TULP4: variants seen among roughly 807,000 people sequenced by gnomAD.
TULP4 encodes the protein TUB like protein 4, also known as tubby-related protein 4.
A neutral mutation model predicts 129.0 loss-of-function variants in TULP4; 16 were observed. The ratio of observed to expected loss-of-function variants is 0.12; its 90% confidence interval spans 0.08 to 0.19. The LOEUF (loss-of-function observed/expected upper bound fraction) is 0.19. TULP4 is among the 10% of genes least tolerant of loss of function. The pLI is 1.00. For synonymous variants in TULP4, 998 were observed against 854.0 expected (o/e 1.17, Z -2.94); for missense variants, 1,842 against 2,059.1 (o/e 0.89, Z 2.04).
At chr6:158,270,325 G>A (rs1375432076) in intron 1 of TULP4, among the ~76,000 whole-genome samples, 1 of 152,156 alleles carries the variant, frequency 6.6e-6, no homozygotes, top group African/African-American at 2.4e-5. Context: ...TATCCTGCCA[G>A]GGACCGGTCA....
intron 2 of TULP4, among the ~76,000 whole-genome samples, chr6:158,422,066 ATAT>A (rs1277755673): frequency 5.3e-5 from 8 of 152,228 alleles, no homozygotes; most frequent in Non-Finnish European, 7.3e-5. Context: ...TTATCTTAAA[ATAT>A]TATTAATTGA....
At chr6:158,316,137 T>G (rs946646376) in intron 1 of TULP4, among the ~76,000 whole-genome samples, 1 of 152,228 alleles carries the variant, frequency 6.6e-6, no homozygotes, top group Admixed American at 6.5e-5. Flanking sequence ...TTGTTCTTTT[T>G]AACTGATGTG....
chr6:158,331,744 C>CACATAT (rs1779892016), intron 1 of TULP4, among the ~76,000 whole-genome samples: 1 of 21,802 alleles, frequency 4.6e-5, no homozygotes, highest in Non-Finnish European at 1.2e-4. Context: ...TATATATATA[C>CACATAT]GTGTATATAC....
At position 158,313,333 on chromosome 6, in the gene TULP4, G is replaced by T; in HGVS notation, c.-684G>T. 1 of 396,052 alleles carries T rather than the reference G, an allele frequency of 2.5e-6. No individual in the cohort carries two copies. The highest frequency in any genetic ancestry group is 4.4e-6 in the Non-Finnish European group (1 of 224,964). 24.5% of individuals were successfully genotyped at this position (396,052 alleles called of 1,614,324 possible). On this transcript the variant is annotated 5_prime_UTR_variant, in exon 1 of 14. Coordinates refer to ENST00000367097, the MANE Select transcript of TULP4 (RefSeq NM_020245.5). ...TTCTGAAACAACAAGGAGAGAGTCT[G>T]TTTTTCTTCCTAAAATTTGGACTCT...
intron 1 of TULP4, among the ~76,000 whole-genome samples, chr6:158,363,987 A>C (rs1260127783): frequency 1.3e-5 from 2 of 152,148 alleles, no homozygotes; most frequent in Non-Finnish European, 2.9e-5. Flanking sequence ...TTTACCTTTC[A>C]AAATAAATTA....
rs76096537 is a variant in TULP4, at chr6:158,448,925, C to T, written c.544-71C>T. On this transcript the variant is annotated intron_variant, in intron 3 of 13. Coordinates refer to ENST00000367097, the MANE Select transcript of TULP4 (RefSeq NM_020245.5). ...TGTATATTGTCTTCCTAAAACAAATCGAGGCAACAAGGTGTGCCAGAAACT... is the reference window on the plus strand; with the variant it reads ...TGTATATTGTCTTCCTAAAACAAATTGAGGCAACAAGGTGTGCCAGAAACT... The T allele has an allele frequency of 2.1e-3, 3,044 of 1,475,426 alleles. 53 individuals are homozygous for T. The African/African-American group carries it at 0.036, about 18-fold the overall frequency. The allele number at this position is 1,475,426 out of a possible 1,614,324, so 91.4% of individuals were successfully genotyped here.
chr6:158,466,533 A>G (rs1381603009), intron 6 of TULP4, among the ~76,000 whole-genome samples: 4 of 152,174 alleles, frequency 2.6e-5, no homozygotes, highest in South Asian at 2.1e-4. Context: ...CCATTTTTCA[A>G]TCAGGTTATT....
chr6:158,301,196 C>T (rs545985757), intron 1 of TULP4, among the ~76,000 whole-genome samples: 3 of 152,218 alleles, frequency 2.0e-5, no homozygotes, highest in East Asian at 3.9e-4. Flanking sequence ...TGGGGAAATC[C>T]TGTAAGGCAA....
intron 1 of TULP4, among the ~76,000 whole-genome samples, chr6:158,343,252 T>C (rs928001663): frequency 6.6e-6 from 1 of 152,184 alleles, no homozygotes; most frequent in Non-Finnish European, 1.5e-5. Context: ...GGAACTCAGA[T>C]TCTGGTTGAA....
At chr6:158,407,776 G>A (rs921506947) in intron 1 of TULP4, among the ~76,000 whole-genome samples, 24 of 152,212 alleles carry the variant, frequency 1.6e-4, no homozygotes, top group Non-Finnish European at 3.2e-4. Flanking sequence ...AATGTCCAGA[G>A]TAGGCAAATC....
chr6:158,478,409 C>T (rs536381590), intron 6 of TULP4, among the ~76,000 whole-genome samples: 1 of 152,154 alleles, frequency 6.6e-6, no homozygotes, highest in Non-Finnish European at 1.5e-5. Context: ...TGGGGGTTGA[C>T]GATACCAGAG....
At chr6:158,416,400 C>G (rs1778208910) in intron 2 of TULP4, among the ~76,000 whole-genome samples, 1 of 151,952 alleles carries the variant, frequency 6.6e-6, no homozygotes, top group Non-Finnish European at 1.5e-5. Context: ...ATGATCCTGA[C>G]CGGGTGTAGG....
At chr6:158,451,172 G>A (rs536675021) in intron 4 of TULP4, among the ~76,000 whole-genome samples, 12 of 152,330 alleles carry the variant, frequency 7.9e-5, no homozygotes, top group African/African-American at 2.9e-4. Context: ...ACAGAATTCA[G>A]TCCCTGGTTG....
intron 1 of TULP4, among the ~76,000 whole-genome samples, chr6:158,362,968 A>G (rs1360207281): frequency 6.7e-6 from 1 of 149,214 alleles, no homozygotes; most frequent in East Asian, 2.0e-4. Context: ...AGGCTAAGGC[A>G]GGAGAAGCGC....
chr6:158,479,853 C>T lies in TULP4; in HGVS notation c.1129C>T (p.Leu377=). ...GCGTGTGGAGCACCGGGTGTCCAGC[C>T]TGCAGCTGCTGTGCCAGCAGGCCAT... ...VVRVEHRVSS[L]QLLCQQAIAS... Residue 377 remains leucine, a synonymous_variant, in exon 7 of 14, where the codon CTG becomes TTG. Transcript: ENST00000367097. The T allele has an allele frequency of 6.2e-7, 1 of 1,613,988 alleles. No individual in the cohort carries two copies.
chr6:158,455,764 A>G (rs1779280175), intron 5 of TULP4, among the ~76,000 whole-genome samples: 1 of 151,826 alleles, frequency 6.6e-6, no homozygotes, highest in Non-Finnish European at 1.5e-5. Flanking sequence ...TATTTGCAGG[A>G]TGCTTTTGTT....
chr6:158,463,510 C>T (rs551083669), intron 6 of TULP4, among the ~76,000 whole-genome samples: 18 of 151,318 alleles, frequency 1.2e-4, no homozygotes, highest in Admixed American at 1.1e-3. Flanking sequence ...GTGGGGGTAG[C>T]GGGGAGGGAT....
chr6:158,503,993 G>A lies in TULP4; in HGVS notation c.4330G>A (p.Glu1444Lys), dbSNP rs1443238993. ...RSPRAAGELE[E>K]AKCRRASEKE... is the part of the protein sequence containing the mutation. Reference sequence around the variant, plus strand: ...CCCACGGGCCGCCGGCGAGCTGGAGGAGGCCAAGTGCCGGCGGGCCAGTGA... The same window carrying A: ...CCCACGGGCCGCCGGCGAGCTGGAGAAGGCCAAGTGCCGGCGGGCCAGTGA... Residue 1444 changes from glutamate to lysine, a missense_variant, in exon 13 of 14, where the codon GAG becomes AAG. Coordinates refer to ENST00000367097, the MANE Select transcript of TULP4 (RefSeq NM_020245.5). This position sits in a 1 kb window ranked among gnomAD's most constrained non-coding sequence, Gnocchi z 4.3. 6.2e-7 allele frequency: 1 copy of A among 1,613,090 alleles called. No homozygotes were observed. The highest frequency in any genetic ancestry group is 8.5e-7 in the Non-Finnish European group (1 of 1,179,622).
chr6:158,270,392 G>C (rs1778526247), intron 1 of TULP4, among the ~76,000 whole-genome samples: 1 of 152,076 alleles, frequency 6.6e-6, no homozygotes, highest in African/African-American at 2.4e-5. Context: ...CTTGATTACA[G>C]GATTTACCTT....
Sources: allele counts gnomAD v4.1 joint callset (sites outside exome capture counted in the v4.1 genomes callset), GRCh38; gene constraint gnomAD v4.1.1; non-coding constraint Gnocchi (gnomAD v3.1); transcripts MANE v1.5; gene names NCBI Gene and HGNC (gene_info 2026-07-23, HGNC 2026-07-21).